MRAP2: variants seen among roughly 807,000 people sequenced by gnomAD.
The protein encoded by MRAP2 is melanocortin 2 receptor accessory protein 2.
A neutral mutation model predicts 17.4 loss-of-function variants in MRAP2; 20 were observed. The ratio of observed to expected loss-of-function variants is 1.15; its 90% confidence interval spans 0.81 to 1.67. The LOEUF is 1.67. MRAP2 is among the 40% of genes most tolerant of loss of function. The pLI is 0.00. For missense variants in MRAP2, 238 were observed against 240.0 expected, an observed-to-expected ratio of 0.99 and a Z score of 0.05; for synonymous variants, 96 against 88.4, an observed-to-expected ratio of 1.09 and a Z score of -0.48.
chr6:84,063,099 G>A, intron 3 of MRAP2, 107 bp downstream of exon 3: 1 of 1,545,744 alleles, frequency 6.5e-7, no homozygotes, highest in Non-Finnish European at 8.8e-7. Context: ...AGAGAAGGGG[G>A]TGGTTATAGA....
chr6:84,089,489 G>A lies in MRAP2; in HGVS notation c.*8G>A, dbSNP rs775200063. On this transcript the variant is annotated 3_prime_UTR_variant, in exon 4 of 4. Transcript: ENST00000257776. ...CACAAAGACCTGGATTGAGAAACATGCTCTGTAAAGGGTCTTCCTGAAGAT... is the reference window on the plus strand; with the variant it reads ...CACAAAGACCTGGATTGAGAAACATACTCTGTAAAGGGTCTTCCTGAAGAT... 6.2e-7 allele frequency: 1 copy of A among 1,608,506 alleles called. No homozygotes were observed. The highest frequency in any genetic ancestry group is 1.3e-5 in the African/African-American group (1 of 74,872).
the MRAP2 span, among the ~76,000 whole-genome samples, chr6:84,098,593 G>T: frequency 2.0e-5 from 3 of 152,150 alleles, no homozygotes; most frequent in South Asian, 6.2e-4. Context: ...CATAGTGTAT[G>T]TGAATTCTGG....
At chr6:84,094,526 T>C (rs1468868399), downstream of MRAP2, among the ~76,000 whole-genome samples, 1 of 152,164 alleles carries the variant, frequency 6.6e-6, no homozygotes, top group African/African-American at 2.4e-5. Flanking sequence ...TTCTACATAA[T>C]TGCAGGGCAC....
chr6:84,143,601 G>A, the MRAP2 span, among the ~76,000 whole-genome samples: 1 of 152,016 alleles, frequency 6.6e-6, no homozygotes, highest in East Asian at 1.9e-4. Flanking sequence ...ACAAAAAAAT[G>A]AATGAATGTA....
the MRAP2 span, among the ~76,000 whole-genome samples, chr6:84,131,204 A>T: frequency 2.0e-5 from 3 of 152,172 alleles, no homozygotes; most frequent in Non-Finnish European, 4.4e-5. Context: ...ATTTGACTGC[A>T]CTGTGGTCTG....
chr6:84,110,897 G>T, the MRAP2 span, among the ~76,000 whole-genome samples: 1 of 152,158 alleles, frequency 6.6e-6, no homozygotes, highest in Non-Finnish European at 1.5e-5. Context: ...GTTTATCAAA[G>T]ATCAGATGGT....
chr6:84,144,490 AGTT>A, the MRAP2 span, among the ~76,000 whole-genome samples: 5 of 152,122 alleles, frequency 3.3e-5, no homozygotes, highest in African/African-American at 1.2e-4. Context: ...ATCCACAGAT[AGTT>A]AATTGTTTTA....
At chr6:84,083,001 A>T (rs1341215715) in intron 3 of MRAP2, among the ~76,000 whole-genome samples, 2 of 152,104 alleles carry the variant, frequency 1.3e-5, no homozygotes, top group African/African-American at 2.4e-5. Flanking sequence ...ATCTAAAAAA[A>T]GTTCAAATGT....
chr6:84,083,222 A>G (rs184073414), intron 3 of MRAP2, among the ~76,000 whole-genome samples: 7 of 152,312 alleles, frequency 4.6e-5, no homozygotes, highest in Admixed American at 4.6e-4. Context: ...TGAGTGTTCA[A>G]TCTCCTTAGG....
chr6:84,088,129 G>A (rs748360397), intron 3 of MRAP2, among the ~76,000 whole-genome samples: 4 of 152,142 alleles, frequency 2.6e-5, no homozygotes, highest in Non-Finnish European at 4.4e-5. Flanking sequence ...CACATCTGTT[G>A]AGCACAAACT....
downstream of MRAP2, among the ~76,000 whole-genome samples, chr6:84,095,501 T>A (rs2099502517): frequency 6.6e-6 from 1 of 152,210 alleles, no homozygotes; most frequent in Non-Finnish European, 1.5e-5. Flanking sequence ...GTGAAAAGAA[T>A]GCAGGTGACT....
chr6:84,121,299 A>G, the MRAP2 span, among the ~76,000 whole-genome samples: 1 of 152,050 alleles, frequency 6.6e-6, no homozygotes, highest in African/African-American at 2.4e-5. Context: ...GTAACTTCCT[A>G]TACCATGGTG....
intron 2 of MRAP2, among the ~76,000 whole-genome samples, chr6:84,060,852 A>ATTTTT (rs771171189): frequency 1.9e-4 from 23 of 119,516 alleles, no homozygotes; most frequent in African/African-American, 5.2e-4. Flanking sequence ...CACCCGGCTA[A>ATTTTT]TTTTTTTTTT....
chr6:84,125,363 G>A, the MRAP2 span: 1 of 1,113,672 alleles, frequency 9.0e-7, no homozygotes, highest in Non-Finnish European at 1.3e-6. Flanking sequence ...GCAAACCTGG[G>A]GTTTCTTTGG....
At chr6:84,059,567 T>C (rs1588636417) in intron 2 of MRAP2, among the ~76,000 whole-genome samples, 1 of 152,188 alleles carries the variant, frequency 6.6e-6, no homozygotes, top group East Asian at 1.9e-4. Context: ...CTACCCTAGA[T>C]TGGGAAGGAA....
intron 3 of MRAP2, among the ~76,000 whole-genome samples, chr6:84,068,990 C>T (rs2099495516): frequency 6.6e-6 from 1 of 151,728 alleles, no homozygotes; most frequent in Non-Finnish European, 1.5e-5. Context: ...TTTATCAGTT[C>T]TAGGAGCTTT....
chr6:84,056,770 T>C (rs1202155020), intron 2 of MRAP2, among the ~76,000 whole-genome samples: 1 of 152,176 alleles, frequency 6.6e-6, no homozygotes, highest in African/African-American at 2.4e-5. Context: ...AACTTTACTT[T>C]TGTGTCAGCT....
chr6:84,055,594 A>G (rs754569606), intron 2 of MRAP2, 149 bp downstream of exon 2: 4 of 746,986 alleles, frequency 5.4e-6, no homozygotes, highest in Non-Finnish European at 6.4e-6. Context: ...TCTCGCCTCC[A>G]CACATAGGCT....
At chr6:84,114,947 G>C in the MRAP2 span, among the ~76,000 whole-genome samples, 4 of 152,174 alleles carry the variant, frequency 2.6e-5, no homozygotes, top group Admixed American at 2.6e-4. Flanking sequence ...TTCTCTGGAA[G>C]CTTCGTCCCA....
Sources: allele counts gnomAD v4.1 joint callset (sites outside exome capture counted in the v4.1 genomes callset), GRCh38; gene constraint gnomAD v4.1.1; transcripts MANE v1.5; gene names NCBI Gene and HGNC (gene_info 2026-07-23, HGNC 2026-07-21).